KTN1: variants seen among roughly 807,000 people sequenced by gnomAD.
KTN1 encodes kinectin 1.
KTN1 carries 130 observed loss-of-function variants against 222.5 expected under a neutral mutation model. The observed-to-expected ratio is 0.58, with a 90% CI of 0.51 to 0.68. The LOEUF (loss-of-function observed/expected upper bound fraction) is 0.68, where lower values mean the gene tolerates loss of function less well. Among genes scored for constraint, KTN1 ranks in the 30% least tolerant of loss-of-function variants. The probability of loss-of-function intolerance (pLI) is 0.00; values close to 1 mark genes in which losing one functional copy is unlikely to be tolerated. For synonymous variants in KTN1, 512 were observed against 496.3 expected (o/e 1.03, Z -0.42); for missense variants, 1,508 against 1,500.4 (o/e 1.01, Z -0.08).
intron 1 of KTN1, among the ~76,000 whole-genome samples, chr14:55,596,355 A>G (rs2035040046): frequency 6.6e-6 from 1 of 152,068 alleles, no homozygotes; most frequent in African/African-American, 2.4e-5. Flanking sequence ...GGCATTTTCT[A>G]ATAGTGAGGA....
chr14:55,629,034 A>G (rs530192683), intron 6 of KTN1, among the ~76,000 whole-genome samples: 9 of 152,296 alleles, frequency 5.9e-5, no homozygotes, highest in African/African-American at 2.2e-4. Flanking sequence ...CTAACTTTAA[A>G]ATTGCTTGGC....
At position 55,664,034 on chromosome 14, in the gene KTN1, C is replaced by T; in HGVS notation, c.3170C>T (p.Thr1057Ile). ...ATGCTGCAGGACAAAGTGAACAAGA[C>T]TTCCAAGGTTGTAATGCTAACTCCT... Reference protein sequence around the residue: ...EKMLQDKVNKTSKERQQQVEA... With the variant: ...EKMLQDKVNKISKERQQQVEA... The change falls in exon 33 of 44, where the codon ACT becomes ATT. Residue 1057 changes from threonine to isoleucine, a missense_variant. Coordinates refer to ENST00000395314, the MANE Select transcript of KTN1 (RefSeq NM_001079521.2). The T allele has an allele frequency of 3.1e-6, 5 of 1,607,690 alleles. No individual in the cohort carries two copies. The highest frequency in any genetic ancestry group is 4.3e-6 in the Non-Finnish European group (5 of 1,175,006).
chr14:55,630,319 T>C (rs2040369997), intron 7 of KTN1, among the ~76,000 whole-genome samples: 1 of 152,166 alleles, frequency 6.6e-6, no homozygotes. Context: ...TTGGCGACTT[T>C]AGAGCAATGG....
At chr14:55,599,712 A>C (rs1376876337) in intron 1 of KTN1, among the ~76,000 whole-genome samples, 1 of 152,064 alleles carries the variant, frequency 6.6e-6, no homozygotes, top group Non-Finnish European at 1.5e-5. Context: ...TCCTGACCTC[A>C]GGTGATCCGT....
intron 29 of KTN1, 106 bp downstream of exon 29, chr14:55,656,238 C>G: frequency 1.4e-6 from 1 of 709,276 alleles, no homozygotes; most frequent in Non-Finnish European, 2.4e-6. Flanking sequence ...ATGAGTCTCC[C>G]TCCCACCCAG....
intron 43 of KTN1, chr14:55,682,629 T>A (rs2046467883): frequency 6.6e-6 from 1 of 152,138 alleles, no homozygotes; most frequent in Admixed American, 6.6e-5. Context: ...ACAACCACCC[T>A]GTGTGTTAGG....
At chr14:55,594,795 A>G (rs1367186515) in intron 1 of KTN1, among the ~76,000 whole-genome samples, 1 of 152,252 alleles carries the variant, frequency 6.6e-6, no homozygotes, top group Non-Finnish European at 1.5e-5. Context: ...CACTTTATAC[A>G]TAAAATATAA....
chr14:55,652,812 A>G, intron 25 of KTN1, 38 bp from the exon 26 acceptor site: 2 of 1,447,654 alleles, frequency 1.4e-6, no homozygotes, highest in South Asian at 2.5e-5. Context: ...ATGGTCATGT[A>G]ACATTTTCAT....
chr14:55,658,260 G>C (rs1031799673), intron 29 of KTN1, among the ~76,000 whole-genome samples: 1 of 152,156 alleles, frequency 6.6e-6, no homozygotes, highest in African/African-American at 2.4e-5. Flanking sequence ...AATGTTACTA[G>C]AGTTGAGGTT....
At chr14:55,659,974 TG>T (rs2043938550) in intron 31 of KTN1, among the ~76,000 whole-genome samples, 1 of 152,228 alleles carries the variant, frequency 6.6e-6, no homozygotes, top group Non-Finnish European at 1.5e-5. Flanking sequence ...AACTATACTT[TG>T]CAGGGTTTTC....
chr14:55,684,226 T>C lies in KTN1; in HGVS notation c.*123T>C. On this transcript the variant is annotated 3_prime_UTR_variant, in exon 44 of 44. Transcript: ENST00000395314. The stretch of plus-strand genomic sequence containing the variant: ...CAGAAACACTGAACAGAGTTTTGTC[T>C]TTTCTAATCCTTGTTAGACTACTGA... 1 of 710,502 alleles carries C rather than the reference T, an allele frequency of 1.4e-6. No individual in the cohort carries two copies. Among genetic ancestry groups the C allele is most frequent in the Admixed American group, 3.3e-5 (1 of 30,486 alleles). 44.0% of individuals were successfully genotyped at this position (710,502 alleles called of 1,614,324 possible).
chr14:55,614,742 A>G (rs1232087151), intron 2 of KTN1, among the ~76,000 whole-genome samples: 2 of 152,222 alleles, frequency 1.3e-5, no homozygotes, highest in Non-Finnish European at 2.9e-5. Context: ...GAATAGTTGT[A>G]CCAGAGACCA....
chr14:55,592,555 TA>T (rs1227554437), intron 1 of KTN1, among the ~76,000 whole-genome samples: 1 of 152,172 alleles, frequency 6.6e-6, no homozygotes, highest in African/African-American at 2.4e-5. Context: ...GATTTTGGTG[TA>T]CCTGTGTGTG....
chr14:55,634,049 G>A (rs941009922), intron 8 of KTN1, among the ~76,000 whole-genome samples: 6 of 152,024 alleles, frequency 3.9e-5, no homozygotes, highest in African/African-American at 1.2e-4. Flanking sequence ...CAGGAGAATC[G>A]CTTGAACCTG....
At chr14:55,683,205 A>G (rs1566872008) in intron 43 of KTN1, 1 of 151,982 alleles carries the variant, frequency 6.6e-6, no homozygotes, top group East Asian at 1.9e-4. Flanking sequence ...ATCTTTTTAG[A>G]CTTTCCGATC....
intron 42 of KTN1, chr14:55,679,313 T>G (rs948003473): frequency 8.6e-5 from 31 of 360,356 alleles, no homozygotes; most frequent in African/African-American, 6.4e-4. Flanking sequence ...ATTCATAGAT[T>G]CTAGATTTTT....
At chr14:55,650,886 G>T (rs1254674652) in intron 24 of KTN1, among the ~76,000 whole-genome samples, 1 of 151,898 alleles carries the variant, frequency 6.6e-6, no homozygotes, top group Non-Finnish European at 1.5e-5. Flanking sequence ...ATTTTAGTTT[G>T]CCAATTACAA....
At chr14:55,677,945 G>A (rs534213854) in intron 41 of KTN1, among the ~76,000 whole-genome samples, 85 of 152,134 alleles carry the variant, frequency 5.6e-4, no homozygotes, top group Non-Finnish European at 6.6e-4. Flanking sequence ...TGATCCGCCC[G>A]CCTTGGCCTC....
Position 55,600,880 on chromosome 14 carries a change from T to C in KTN1, c.-30-11139T>C, listed in dbSNP as rs975197352. On this transcript the variant is annotated intron_variant, in intron 1 of 43. Coordinates refer to ENST00000395314, the MANE Select transcript of KTN1 (RefSeq NM_001079521.2). ...GTTTGTCTAATTATAAATTAGATTT[T>C]TTTTTTTACCGAATAAACTTTTAAC... Among the ~76,000 whole-genome samples, 17 of 152,280 alleles carry C rather than the reference T, an allele frequency of 1.1e-4. No homozygotes were observed. The East Asian group carries it at 2.9e-3, about 26-fold the overall frequency.
Sources: allele counts gnomAD v4.1 joint callset (sites outside exome capture counted in the v4.1 genomes callset), GRCh38; gene constraint gnomAD v4.1.1; transcripts MANE v1.5; gene names NCBI Gene and HGNC (gene_info 2026-07-23, HGNC 2026-07-21).